The following RFX5 variants were observed in gnomAD, a reference collection of about 807,000 sequenced individuals.
The protein encoded by RFX5 is regulatory factor X5.
A neutral mutation model predicts 41.2 loss-of-function variants in RFX5; 30 were observed. The ratio of observed to expected loss-of-function variants is 0.73; its 90% CI spans 0.54 to 0.99. The LOEUF is 0.99. RFX5 is among the 50% of genes least tolerant of loss of function. The pLI, the probability that RFX5 is intolerant of heterozygous loss-of-function variation, is 0.00. For missense variants in RFX5, 715 were observed against 773.6 expected (o/e 0.92, Z 0.90); for synonymous variants, 231 against 291.8 (o/e 0.79, Z 2.12).
At position 151,347,237 on chromosome 1, in the gene RFX5, G is replaced by C. The variant is rs1046926082; in HGVS notation, c.-158C>G. On this transcript the variant is annotated 5_prime_UTR_variant, in exon 1 of 11. Coordinates refer to ENST00000452671, the MANE Select transcript of RFX5 (RefSeq NM_001025603.2). ...TCGTAGCCACCTTCACTCCAGCCCA[G>C]CCCCAAGGTCCTGGCCCAGCCGGCT... The C allele has an allele frequency of 1.9e-4, 29 of 152,486 alleles. No homozygotes were observed. Among genetic ancestry groups the C allele is most frequent in the African/African-American group, 7.0e-4 (29 of 41,446 alleles). 9.4% of individuals were successfully genotyped at this position (152,486 alleles called of 1,614,324 possible). A position where few individuals can be genotyped will look rare whatever the true frequency, so the allele number is the denominator to read the frequency against.
rs1650386143 is a variant in RFX5 at position 151,340,788 on chromosome 1, T to C, written c.*1398A>G. 1.3e-5 allele frequency: 2 copies of C among 152,726 alleles called. No homozygotes were observed. Among genetic ancestry groups the C allele is most frequent in the South Asian group, 4.1e-4 (2 of 4,826 alleles). 9.5% of individuals were successfully genotyped at this position (152,726 alleles called of 1,614,324 possible). On this transcript the variant is annotated 3_prime_UTR_variant, in exon 11 of 11. Transcript: ENST00000452671. ...TAAAATCTGCTGTGGTGGAAATAAA[T>C]GAACACATGAAGTCTCCCTGAAAGA...
At chr1:151,343,991 T>C in intron 8 of RFX5, 109 bp from the exon 9 acceptor site, 2 of 1,259,682 alleles carry the variant, frequency 1.6e-6, no homozygotes, top group Non-Finnish European at 2.2e-6. Flanking sequence ...AGACTGGGGA[T>C]GGGAGTAGCC....
At position 151,342,308 on chromosome 1, in the gene RFX5, C is replaced by G. The variant is rs767105874; in HGVS notation, c.1729G>C (p.Ala577Pro). 53 of 1,614,038 alleles carry G rather than the reference C, an allele frequency of 3.3e-5. 3 individuals are homozygous for G. The South Asian group carries it at 5.4e-4, about 16-fold the overall frequency. The change falls in exon 11 of 11, where the codon GCT (alanine) becomes CCT (proline). Residue 577 changes from alanine to proline, a missense_variant. Transcript: ENST00000452671. ...ACCTCTCCCTTTGCCAAAGGAAAAG[C>G]CTCCTTTTGGCTTCTGCTGCCCTTG... ...VIKGSRSQKE[A>P]FPLAKGEVDT... is the part of the protein sequence containing the mutation.
chr1:151,342,121 AAAG>A lies in RFX5; in HGVS notation c.*62_*64del, dbSNP rs767384307. The A allele has an allele frequency of 6.2e-7, 1 of 1,609,336 alleles. No homozygotes were observed. Among genetic ancestry groups the A allele is most frequent in the Non-Finnish European group, 8.5e-7 (1 of 1,175,752 alleles). On this transcript the variant is annotated 3_prime_UTR_variant, in exon 11 of 11. Transcript: ENST00000452671. ...GAATAGCCAAATGAGAAGCAAGTGCAAAGAAGGGCCTCTACTAGGCAAAGTTAA... is the reference window on the plus strand; with the variant it reads ...GAATAGCCAAATGAGAAGCAAGTGCAAAGGGCCTCTACTAGGCAAAGTTAA...
intron 2 of RFX5, 48 bp from the exon 3 acceptor site, chr1:151,346,381 C>T (rs1179923372): frequency 3.3e-6 from 5 of 1,500,092 alleles, no homozygotes; most frequent in South Asian, 1.1e-5. Context: ...CACTGGCCTT[C>T]CCTTCCCCAG....
At position 151,346,030 on chromosome 1, in the gene RFX5, G is replaced by A; in HGVS notation, c.117-69C>T. 4 of 1,611,252 alleles carry A rather than the reference G, an allele frequency of 2.5e-6. No individual in the cohort carries two copies. The South Asian group carries it at 3.3e-5, about 13-fold the overall frequency. The stretch of plus-strand genomic sequence containing the variant: ...CCCTGTCTCTTTATCTGACTGCTAG[G>A]GAGGGAAAAGGACTGAAATGCCCAG... On this transcript the variant is annotated intron_variant, in intron 3 of 10. Coordinates refer to ENST00000452671, the MANE Select transcript of RFX5 (RefSeq NM_001025603.2).
rs778751859 is a variant in RFX5, at chr1:151,342,634, C to T, written c.1403G>A (p.Arg468His). The change falls in exon 11 of 11, where the codon CGC becomes CAC. Residue 468 changes from arginine to histidine, a missense_variant. Coordinates refer to ENST00000452671, the MANE Select transcript of RFX5 (RefSeq NM_001025603.2). ...TASDAKRKRG[R>H]PRKKSGGSGE... ...ACTTCCACCTGACTTTTTTCGAGGG[C>T]GCCCCCGTTTCCTTTTGGCATCACT... is the stretch of plus-strand genomic sequence containing the variant. 27 of 1,613,986 alleles carry T rather than the reference C, an allele frequency of 1.7e-5. No individual in the cohort carries two copies. Among genetic ancestry groups the T allele is most frequent in the Admixed American group, 3.3e-5 (2 of 59,998 alleles).
Position 151,343,146 on chromosome 1 carries a change from G to A in RFX5, c.891C>T (p.Ala297=), listed in dbSNP as rs756715207. 25 of 1,611,598 alleles carry A rather than the reference G, an allele frequency of 1.6e-5. No individual in the cohort carries two copies. In the East Asian group the frequency reaches 3.1e-4, roughly 20 times the overall value. ...TCCGCTCTCCACGTGCGAGAGGACC[G>A]GCCCCAGTTCGGGCTTCCAGATCCT... ...PPKDLEARTG[A]GPLARGERKK... Residue 297 remains alanine (A), a synonymous_variant, in exon 11 of 11, where the codon GCC becomes GCT. Coordinates refer to ENST00000452671, the MANE Select transcript of RFX5 (RefSeq NM_001025603.2).
chr1:151,343,132 C>G lies in RFX5; in HGVS notation c.905G>C (p.Arg302Pro). The G allele has an allele frequency of 1.2e-6, 2 of 1,612,094 alleles. No individual in the cohort carries two copies. Among genetic ancestry groups the G allele is most frequent in the Non-Finnish European group, 1.7e-6 (2 of 1,180,018 alleles). The change falls in exon 11 of 11, where the codon CGT becomes CCT. Residue 302 changes from arginine (R) to proline (P), a missense_variant. Arg to Pro is a moderately radical substitution (Grantham distance 103). Transcript: ENST00000452671. The part of the protein sequence containing the change: ...EARTGAGPLA[R>P]GERKKSVVES... ...AACTACACTCTTCTTCCGCTCTCCA[C>G]GTGCGAGAGGACCGGCCCCAGTTCG... is the stretch of plus-strand genomic sequence containing the variant.
chr1:151,345,817 G>T, intron 4 of RFX5, 111 bp downstream of exon 4: 1 of 1,482,972 alleles, frequency 6.7e-7, no homozygotes, highest in Non-Finnish European at 9.4e-7. Flanking sequence ...TTCTGACAAG[G>T]CAGAGGACCC....
rs561242205 is a variant in RFX5 at position 151,340,723 on chromosome 1, T to C, written c.*1463A>G. 1 of 152,744 alleles carries C rather than the reference T, an allele frequency of 6.5e-6. No individual in the cohort carries two copies. Among genetic ancestry groups the C allele is most frequent in the Non-Finnish European group, 1.5e-5 (1 of 68,034 alleles). The allele number at this position is 152,744 out of a possible 1,614,324, so 9.5% of individuals were successfully genotyped here. ...CTTCATAATTTATTCACGTTAGATA[T>C]ACTCTTTATAGATATCAAATATTAC... On this transcript the variant is annotated 3_prime_UTR_variant, in exon 11 of 11. Coordinates refer to ENST00000452671, the MANE Select transcript of RFX5 (RefSeq NM_001025603.2).
chr1:151,343,098 C>T lies in RFX5; in HGVS notation c.939G>A (p.Ser313=), dbSNP rs1319132683. Residue 313 remains serine (S), a synonymous_variant, in exon 11 of 11, where the codon TCG becomes TCA. Coordinates refer to ENST00000452671, the MANE Select transcript of RFX5 (RefSeq NM_001025603.2). ...GERKKSVVES[S]APGANNLQVN... ...CCTGCAGGTTATTGGCTCCTGGGGC[C>T]GAGCTCTCAACTACACTCTTCTTCC... 4.3e-6 allele frequency: 7 copies of T among 1,613,000 alleles called. No homozygotes were observed. Among genetic ancestry groups the T allele is most frequent in the Non-Finnish European group, 5.1e-6 (6 of 1,179,990 alleles).
intron 5 of RFX5, 62 bp downstream of exon 5, chr1:151,345,044 T>A: frequency 6.5e-7 from 1 of 1,546,796 alleles, no homozygotes; most frequent in Non-Finnish European, 8.9e-7. Context: ...CCTCACCCCT[T>A]CCCAGTGAAC....
intron 1 of RFX5, 29 bp from the exon 2 acceptor site, chr1:151,346,635 A>T: frequency 3.0e-6 from 1 of 332,176 alleles, no homozygotes; most frequent in Non-Finnish European, 5.7e-6. Context: ...GGGGATTGGG[A>T]ATCCATGTTA....
chr1:151,344,718 C>T lies in RFX5; in HGVS notation c.353+10G>A, dbSNP rs1650847759. ...AATCCACTCATCCCACCACCCACCCCTCCACCCACCGATAGGCATCATAAA... is the reference window on the plus strand; with the variant it reads ...AATCCACTCATCCCACCACCCACCCTTCCACCCACCGATAGGCATCATAAA... On this transcript the variant is annotated intron_variant, in intron 6 of 10. Transcript: ENST00000452671. 2.6e-6 allele frequency: 4 copies of T among 1,558,276 alleles called. No individual in the cohort carries two copies. The highest frequency in any genetic ancestry group is 3.5e-6 in the Non-Finnish European group (4 of 1,151,008).
chr1:151,344,622 G>C, intron 6 of RFX5, 86 bp from the exon 7 acceptor site: 1 of 1,604,432 alleles, frequency 6.2e-7, no homozygotes, highest in Non-Finnish European at 8.5e-7. Flanking sequence ...TCAAGTGTGA[G>C]GAACCCTTTA....
Position 151,343,695 on chromosome 1 carries a change from G to A in RFX5, c.743C>T (p.Ala248Val). 6.2e-7 allele frequency: 1 copy of A among 1,614,026 alleles called. No individual in the cohort carries two copies. The highest frequency in any genetic ancestry group is 1.1e-5 in the South Asian group (1 of 91,066). Residue 248 changes from alanine to valine, a missense_variant, in exon 9 of 11, where the codon GCC becomes GTC. Transcript: ENST00000452671. ...ARSAHAHVLK[A>V]MGLAEEDEHA... Reference sequence around the variant, plus strand: ...GGTCAACACACCAGCGAGCCCCATGGCCTTAAGCACATGGGCATGTGCAGA... The same window carrying A: ...GGTCAACACACCAGCGAGCCCCATGACCTTAAGCACATGGGCATGTGCAGA...
At position 151,342,751 on chromosome 1, in the gene RFX5, C is replaced by G; in HGVS notation, c.1286G>C (p.Gly429Ala). The change falls in exon 11 of 11, where the codon GGT (glycine) becomes GCT (alanine). Residue 429 changes from glycine to alanine, a missense_variant. Transcript: ENST00000452671. ...AGGTACTTCAGCTGTCCTCTTGACA[C>G]CCTTGTCATGTGGTCCTTGGTCACC... ...IGGDQGPHDK[G>A]VKRTAEVPVS... The G allele has an allele frequency of 6.2e-7, 1 of 1,614,184 alleles. No homozygotes were observed. The highest frequency in any genetic ancestry group is 8.5e-7 in the Non-Finnish European group (1 of 1,180,000).
Position 151,345,962 on chromosome 1 carries a change from C to T in RFX5, c.117-1G>A. The stretch of plus-strand genomic sequence containing the variant: ...CTCTACTTTGTTCTGCACGGCCTTG[C>T]TGTGGGGAAGAGGAGAAAGCTGGAG... On this transcript the variant is annotated splice_acceptor_variant, in intron 3 of 10. Transcript: ENST00000452671. LOFTEE classifies it high-confidence loss of function. 3 of 1,614,172 alleles carry T rather than the reference C, an allele frequency of 1.9e-6. No individual in the cohort carries two copies. The highest frequency in any genetic ancestry group is 2.5e-6 in the Non-Finnish European group (3 of 1,180,034).
Sources: allele counts gnomAD v4.1 joint callset, GRCh38; gene constraint gnomAD v4.1.1; transcripts MANE v1.5; gene names NCBI Gene and HGNC (gene_info 2026-07-23, HGNC 2026-07-21).